The following MMP16 variants were observed in gnomAD, a reference collection of about 807,000 sequenced individuals.
MMP16 encodes the protein matrix metalloproteinase-16.
Under a neutral mutation model 67.8 loss-of-function variants are expected in MMP16, and 12 were observed. The ratio of observed to expected loss-of-function variants is 0.18; its 90% CI spans 0.11 to 0.29. MMP16 has a LOEUF of 0.29. Ranked by LOEUF, MMP16 falls within the 10% of genes least tolerant of loss-of-function variation. MMP16 has a pLI of 1.00. For missense variants in MMP16, 475 were observed against 765.7 expected (o/e 0.62, Z 4.48); for synonymous variants, 249 against 255.9 (o/e 0.97, Z 0.26).
chr8:88,314,550 G>A (rs916229911), intron 1 of MMP16, among the ~76,000 whole-genome samples: 10 of 152,146 alleles, frequency 6.6e-5, no homozygotes, highest in East Asian at 3.9e-4. Flanking sequence ...TTCCTTTTAA[G>A]TGTTGTTAAG....
intron 9 of MMP16, among the ~76,000 whole-genome samples, chr8:88,044,407 T>C (rs1193123501): frequency 6.6e-6 from 1 of 152,254 alleles, no homozygotes; most frequent in African/African-American, 2.4e-5. Context: ...AATGGAAGTA[T>C]GTCAAACCTT....
Position 88,046,721 on chromosome 8 carries a change from G to C in MMP16, c.1437C>G (p.Val479=). 1 of 1,610,998 alleles carries C rather than the reference G, an allele frequency of 6.2e-7. No individual in the cohort carries two copies. Among genetic ancestry groups the C allele is most frequent in the Non-Finnish European group, 8.5e-7 (1 of 1,179,130 alleles). ...MDPGYPKPIT[V]WKGIPESPQG... is the part of the protein sequence containing the mutation. ...GAGGAGATTCAGGGATCCCTTTCCA[G>C]ACTGTGATTGGCTTGGGATAGCCAG... The change falls in exon 9 of 10, where the codon GTC becomes GTG. Residue 479 remains valine (V), a synonymous_variant. Transcript: ENST00000286614.
intron 1 of MMP16, among the ~76,000 whole-genome samples, chr8:88,312,186 A>C (rs1811305692): frequency 6.6e-6 from 1 of 152,178 alleles, no homozygotes; most frequent in Admixed American, 6.6e-5. Context: ...ACTGGAGATA[A>C]AAACTGGCAG....
At chr8:88,097,022 G>C (rs1809039897) in intron 6 of MMP16, among the ~76,000 whole-genome samples, 1 of 151,838 alleles carries the variant, frequency 6.6e-6, no homozygotes, top group South Asian at 2.1e-4. Context: ...CTTTTCCACT[G>C]TAGGTTTTAG....
At chr8:88,051,357 T>G (rs181188456) in intron 8 of MMP16, among the ~76,000 whole-genome samples, 60 of 152,264 alleles carry the variant, frequency 3.9e-4, no homozygotes, top group Non-Finnish European at 7.5e-4. Context: ...GGGTTTAAAA[T>G]GTAGATATTT....
intron 1 of MMP16, among the ~76,000 whole-genome samples, chr8:88,294,367 T>A (rs993741393): frequency 6.6e-6 from 1 of 151,210 alleles, no homozygotes; most frequent in Admixed American, 6.6e-5. Context: ...TATATGTAGA[T>A]ATACACACAT....
At chr8:88,277,241 G>A (rs1810662748) in intron 1 of MMP16, among the ~76,000 whole-genome samples, 2 of 152,188 alleles carry the variant, frequency 1.3e-5, no homozygotes, top group South Asian at 2.1e-4. Flanking sequence ...GGAAAAACTC[G>A]GTAGCCCAAT....
At chr8:88,121,485 C>T (rs1381229983) in intron 4 of MMP16, among the ~76,000 whole-genome samples, 1 of 151,980 alleles carries the variant, frequency 6.6e-6, no homozygotes, top group Admixed American at 6.6e-5. Context: ...CCACTAGGAA[C>T]AAAAGTTGTT....
Position 88,116,321 on chromosome 8 carries a change from C to T in MMP16, c.1083+186G>A, listed in dbSNP as rs887296051. Among the ~76,000 whole-genome samples, 6 of 152,000 alleles carry T rather than the reference C, an allele frequency of 3.9e-5. No individual in the cohort carries two copies. The East Asian group carries it at 9.7e-4, about 25-fold the overall frequency. ...ACACGAATGCATTCCCAAAATAGAACGTTACAGCAATCTTCTGCTAGACAT... is the reference window on the plus strand; with the variant it reads ...ACACGAATGCATTCCCAAAATAGAATGTTACAGCAATCTTCTGCTAGACAT... On this transcript the variant is annotated intron_variant, in intron 6 of 9. Transcript: ENST00000286614.
intron 1 of MMP16, among the ~76,000 whole-genome samples, chr8:88,260,045 A>G (rs550042056): frequency 2.0e-4 from 30 of 152,346 alleles, no homozygotes; most frequent in African/African-American, 7.2e-4. Context: ...GAAAAGCTAC[A>G]TATTCAAAAA....
chr8:88,327,315 G>GA lies in MMP16; in HGVS notation c.-110dup. The GA allele has an allele frequency of 6.9e-7, 1 of 1,459,726 alleles. No individual in the cohort carries two copies. Among genetic ancestry groups the GA allele is most frequent in the Non-Finnish European group, 9.4e-7 (1 of 1,065,786 alleles). The allele number at this position is 1,459,726 out of a possible 1,614,324, so 90.4% of individuals were successfully genotyped here. On this transcript the variant is annotated 5_prime_UTR_variant, in exon 1 of 10. Coordinates refer to ENST00000286614, the MANE Select transcript of MMP16 (RefSeq NM_005941.5). ...AAAAAAAGTCCTCCGGGTGGGTAAG[G>GA]AGCCTGCAGGTTCACCCACAGCCGG...
chr8:88,217,909 G>A (rs1809619626), intron 1 of MMP16, among the ~76,000 whole-genome samples: 1 of 152,052 alleles, frequency 6.6e-6, no homozygotes, highest in South Asian at 2.1e-4. Flanking sequence ...ATGTCTGTGT[G>A]AACTTGTTTC....
intron 1 of MMP16, among the ~76,000 whole-genome samples, chr8:88,257,961 T>C (rs1314370769): frequency 6.6e-6 from 1 of 151,988 alleles, no homozygotes; most frequent in Non-Finnish European, 1.5e-5. Flanking sequence ...GGTAGGCTAA[T>C]GGTAAGGAAT....
intron 1 of MMP16, among the ~76,000 whole-genome samples, chr8:88,255,014 TA>T (rs969737555): frequency 6.6e-6 from 1 of 152,126 alleles, no homozygotes; most frequent in African/African-American, 2.4e-5. Context: ...AATTATTATT[TA>T]AAAAACATGG....
intron 1 of MMP16, among the ~76,000 whole-genome samples, chr8:88,280,831 G>A (rs1810721873): frequency 6.6e-6 from 1 of 152,106 alleles, no homozygotes; most frequent in South Asian, 2.1e-4. Context: ...AGTGCAGGGA[G>A]CTATGATTAC....
At chr8:88,125,463 T>G (rs537939562) in intron 4 of MMP16, among the ~76,000 whole-genome samples, 1 of 151,934 alleles carries the variant, frequency 6.6e-6, no homozygotes, top group East Asian at 1.9e-4. Flanking sequence ...TTCAGAAATA[T>G]GTAAGTGCCA....
rs1319382264 is a variant in MMP16, at chr8:88,032,856, A to G, written c.*8605T>C. The stretch of plus-strand genomic sequence containing the variant: ...GCACACAGAAGACTACATATTATCA[A>G]GAACTTAATGAAATAGTGTTGAGTG... On this transcript the variant is annotated 3_prime_UTR_variant, in exon 10 of 10. Transcript: ENST00000286614. 6.6e-6 allele frequency: 1 copy of G among 152,126 alleles called. No homozygotes were observed. The highest frequency in any genetic ancestry group is 6.6e-5 in the Admixed American group (1 of 15,250). 9.4% of individuals were successfully genotyped at this position (152,126 alleles called of 1,614,324 possible).
At chr8:88,252,903 A>G (rs1424736669) in intron 1 of MMP16, among the ~76,000 whole-genome samples, 1 of 152,132 alleles carries the variant, frequency 6.6e-6, no homozygotes, top group African/African-American at 2.4e-5. Flanking sequence ...CTCAAGCCAA[A>G]TAGATTGGAC....
At chr8:88,159,447 T>G (rs1336034036) in intron 4 of MMP16, among the ~76,000 whole-genome samples, 14 of 152,232 alleles carry the variant, frequency 9.2e-5, no homozygotes. Context: ...AGTTCACTCA[T>G]GATTTGGCTC....
Sources: allele counts gnomAD v4.1 joint callset (sites outside exome capture counted in the v4.1 genomes callset), GRCh38; gene constraint gnomAD v4.1.1; transcripts MANE v1.5; gene names NCBI Gene and HGNC (gene_info 2026-07-23, HGNC 2026-07-21).